The following NKAIN3 variants were observed in gnomAD, a reference collection of about 807,000 sequenced individuals.
The protein encoded by NKAIN3 is sodium/potassium-transporting ATPase subunit beta-1-interacting protein 3.
Under a neutral mutation model 30.2 loss-of-function variants are expected in NKAIN3, and 25 were observed. The observed-to-expected ratio is 0.83, with a 90% CI of 0.60 to 1.16. The LOEUF is 1.16. Ranked by LOEUF, NKAIN3 falls within the 50% of genes most tolerant of loss-of-function variation. The pLI is 0.00. For missense variants in NKAIN3, 225 were observed against 254.1 expected, an observed-to-expected ratio of 0.89 and a Z score of 0.78; for synonymous variants, 91 against 89.6, an observed-to-expected ratio of 1.02 and a Z score of -0.09.
At chr8:62,645,666 A>T (rs1323568009) in intron 3 of NKAIN3, among the ~76,000 whole-genome samples, 1 of 152,118 alleles carries the variant, frequency 6.6e-6, no homozygotes, top group East Asian at 1.9e-4. Flanking sequence ...GTCTTCTCTT[A>T]AGTAGAATTT....
intron 1 of NKAIN3, among the ~76,000 whole-genome samples, chr8:62,470,664 C>T (rs1284884821): frequency 6.6e-6 from 1 of 152,072 alleles, no homozygotes; most frequent in Non-Finnish European, 1.5e-5. Flanking sequence ...AATACTGAAA[C>T]ATTGTTTTTC....
At chr8:62,606,534 A>G (rs929129807) in intron 3 of NKAIN3, among the ~76,000 whole-genome samples, 3 of 152,130 alleles carry the variant, frequency 2.0e-5, no homozygotes, top group African/African-American at 7.2e-5. Flanking sequence ...AATGGCATAA[A>G]GAAGTCCTTT....
At chr8:62,589,964 G>T (rs1010882969) in intron 3 of NKAIN3, among the ~76,000 whole-genome samples, 170 bp downstream of exon 3, 1 of 149,980 alleles carries the variant, frequency 6.7e-6, no homozygotes, top group Non-Finnish European at 1.5e-5. Flanking sequence ...TACCACTTAG[G>T]AAAGAATGAT....
intron 4 of NKAIN3, among the ~76,000 whole-genome samples, chr8:62,797,208 G>C (rs1057017065): frequency 6.6e-6 from 1 of 152,184 alleles, no homozygotes; most frequent in Non-Finnish European, 1.5e-5. Context: ...CAAGAGCATA[G>C]TAAATGGATT....
intron 3 of NKAIN3, among the ~76,000 whole-genome samples, chr8:62,655,806 A>G (rs552649899): frequency 6.6e-6 from 1 of 152,214 alleles, no homozygotes; most frequent in Non-Finnish European, 1.5e-5. Context: ...TCCAAACAAC[A>G]GGTGTTTGCA....
chr8:62,334,001 A>G (rs1416269299), intron 1 of NKAIN3, among the ~76,000 whole-genome samples: 3 of 152,122 alleles, frequency 2.0e-5, no homozygotes, highest in Non-Finnish European at 2.9e-5. Context: ...GAAACAGCAT[A>G]TAAAAGAGTA....
chr8:62,770,080 A>G (rs1816967278), intron 4 of NKAIN3, among the ~76,000 whole-genome samples: 1 of 152,224 alleles, frequency 6.6e-6, no homozygotes, highest in African/African-American at 2.4e-5. Flanking sequence ...TTATATGGCA[A>G]AAGTGCTAGG....
chr8:62,905,611 C>T (rs1027035389), intron 4 of NKAIN3, among the ~76,000 whole-genome samples: 4 of 152,058 alleles, frequency 2.6e-5, no homozygotes, highest in Non-Finnish European at 5.9e-5. Flanking sequence ...CGGATTTTTG[C>T]CCTTCTCTCC....
chr8:62,496,854 A>G (rs1409076906), intron 1 of NKAIN3, among the ~76,000 whole-genome samples: 2 of 152,118 alleles, frequency 1.3e-5, no homozygotes, highest in Non-Finnish European at 2.9e-5. Context: ...TTAGTTTCTT[A>G]GCAGGAATTT....
At chr8:62,711,131 A>G (rs1301810358) in intron 3 of NKAIN3, among the ~76,000 whole-genome samples, 1 of 152,056 alleles carries the variant, frequency 6.6e-6, no homozygotes, top group Non-Finnish European at 1.5e-5. Flanking sequence ...GTTTTCCTTT[A>G]TAGGTTACCT....
At chr8:62,660,894 G>A (rs1269200993) in intron 3 of NKAIN3, among the ~76,000 whole-genome samples, 3 of 152,188 alleles carry the variant, frequency 2.0e-5, no homozygotes, top group South Asian at 2.1e-4. Context: ...CCCAGCTGGG[G>A]ACCATCCCTT....
intron 4 of NKAIN3, among the ~76,000 whole-genome samples, chr8:62,771,664 T>C (rs1817015600): frequency 6.6e-6 from 1 of 152,068 alleles, no homozygotes; most frequent in Non-Finnish European, 1.5e-5. Flanking sequence ...GATCTATAGA[T>C]TCAAGAAACT....
intron 4 of NKAIN3, among the ~76,000 whole-genome samples, chr8:62,840,668 T>C (rs890699724): frequency 6.6e-6 from 1 of 152,154 alleles, no homozygotes; most frequent in Non-Finnish European, 1.5e-5. Context: ...TATTACCAGA[T>C]TGATTTCTCC....
At chr8:62,653,500 T>C (rs920513219) in intron 3 of NKAIN3, among the ~76,000 whole-genome samples, 14 of 152,230 alleles carry the variant, frequency 9.2e-5, no homozygotes, top group African/African-American at 3.4e-4. Context: ...CTCATCCAAG[T>C]ATTATGGTAG....
At chr8:62,901,769 T>G (rs1456465365) in intron 4 of NKAIN3, among the ~76,000 whole-genome samples, 1 of 152,214 alleles carries the variant, frequency 6.6e-6, no homozygotes, top group Non-Finnish European at 1.5e-5. Context: ...GATAGAGGAA[T>G]GCCTGTCTTT....
At chr8:62,405,734 C>T (rs531687678) in intron 1 of NKAIN3, among the ~76,000 whole-genome samples, 18 of 152,260 alleles carry the variant, frequency 1.2e-4, no homozygotes, top group African/African-American at 4.3e-4. Context: ...CACCTGATTA[C>T]TGGTTCTTAT....
chr8:62,710,121 A>C (rs1814668083), intron 3 of NKAIN3, among the ~76,000 whole-genome samples: 1 of 152,086 alleles, frequency 6.6e-6, no homozygotes, highest in Admixed American at 6.6e-5. Flanking sequence ...AAATTTACTG[A>C]AGCTCGTTTT....
intron 4 of NKAIN3, among the ~76,000 whole-genome samples, chr8:62,902,967 T>C (rs577112410): frequency 1.3e-5 from 2 of 152,346 alleles, no homozygotes; most frequent in Admixed American, 1.3e-4. Flanking sequence ...TCCTCCATGA[T>C]ATTGCTGAGC....
chr8:62,823,493 T>G (rs1818917260), intron 4 of NKAIN3, among the ~76,000 whole-genome samples: 1 of 152,176 alleles, frequency 6.6e-6, no homozygotes, highest in African/African-American at 2.4e-5. Context: ...ACAGTATTTA[T>G]AAAATGAATT....
Sources: gnomAD v4.1 joint callset for allele counts (sites outside exome capture counted in the v4.1 genomes callset) on GRCh38, gnomAD v4.1.1 for gene constraint, MANE v1.5 for transcripts, NCBI Gene and HGNC (gene_info 2026-07-23, HGNC 2026-07-21) for gene names.